Variants in CIROZ observed in about 807,000 individuals in gnomAD.
CIROZ encodes ciliated left-right organizer protein containing ZP-N domains.
the CIROZ span, among the ~76,000 whole-genome samples, chr1:10,971,960 A>G: frequency 6.6e-6 from 1 of 152,170 alleles, no homozygotes. Flanking sequence ...CTCCCCCATG[A>G]CACATAAACT....
At chr1:10,947,864 G>A in the CIROZ span, 2 of 1,608,914 alleles carry the variant, frequency 1.2e-6, no homozygotes, top group South Asian at 2.2e-5. Context: ...GGGTTTGCGT[G>A]GATGGAGGGC....
chr1:10,981,149 C>G, the CIROZ span, among the ~76,000 whole-genome samples: 9 of 152,120 alleles, frequency 5.9e-5, no homozygotes, highest in Non-Finnish European at 1.2e-4. Flanking sequence ...ATTCTGTTGC[C>G]AAGGAAAATG....
the CIROZ span, chr1:10,966,466 AG>A: frequency 1.3e-6 from 2 of 1,534,990 alleles, no homozygotes; most frequent in South Asian, 2.4e-5. Context: ...CCAGGTGGTC[AG>A]GGGACCTCCA....
chr1:10,964,179 T>A, the CIROZ span: 1 of 1,614,162 alleles, frequency 6.2e-7, no homozygotes, highest in Non-Finnish European at 8.5e-7. Context: ...GCCTTGACCT[T>A]AGCATCGGAC....
chr1:10,962,925 G>A, the CIROZ span, among the ~76,000 whole-genome samples: 2 of 152,222 alleles, frequency 1.3e-5, no homozygotes, highest in South Asian at 4.1e-4. Context: ...TTTGAGACCA[G>A]CCTGGGCAAC....
chr1:10,954,106 C>T, the CIROZ span: 3 of 1,613,466 alleles, frequency 1.9e-6, no homozygotes, highest in South Asian at 3.3e-5. Context: ...CTATAGAAAG[C>T]TTGTGTTCCC....
the CIROZ span, among the ~76,000 whole-genome samples, chr1:10,950,764 G>C: frequency 6.6e-6 from 1 of 152,164 alleles, no homozygotes; most frequent in African/African-American, 2.4e-5. Flanking sequence ...CTGGCCCAAG[G>C]GTCAAATACA....
chr1:10,977,637 G>T, the CIROZ span, among the ~76,000 whole-genome samples: 16 of 152,258 alleles, frequency 1.1e-4, no homozygotes, highest in African/African-American at 3.9e-4. Flanking sequence ...CACCAAACTG[G>T]CTTCTTCCAC....
the CIROZ span, among the ~76,000 whole-genome samples, chr1:10,947,052 G>A: frequency 6.6e-6 from 1 of 152,182 alleles, no homozygotes. Context: ...CCGGCTCCAC[G>A]CCAAATGCTC....
the CIROZ span, among the ~76,000 whole-genome samples, chr1:10,962,478 T>A: frequency 6.6e-6 from 1 of 152,166 alleles, no homozygotes; most frequent in South Asian, 2.1e-4. Context: ...GAACTTTTTT[T>A]AACTGGAGGA....
the CIROZ span, among the ~76,000 whole-genome samples, chr1:10,962,054 C>G: frequency 9.2e-5 from 14 of 152,190 alleles, no homozygotes; most frequent in Non-Finnish European, 1.9e-4. Context: ...CTTTCTCTTC[C>G]TCCTTCCTTC....
At chr1:10,966,697 C>A in the CIROZ span, among the ~76,000 whole-genome samples, 1 of 152,192 alleles carries the variant, frequency 6.6e-6, no homozygotes, top group Non-Finnish European at 1.5e-5. Flanking sequence ...CAGAATCCAA[C>A]CCCATCTCCC....
At chr1:10,958,574 CT>C in the CIROZ span, 4 of 1,027,650 alleles carry the variant, frequency 3.9e-6, no homozygotes, top group Non-Finnish European at 6.0e-6. Context: ...AGACCTGGTC[CT>C]TGAAGAGTCT....
the CIROZ span, chr1:10,981,945 T>C: frequency 6.6e-7 from 1 of 1,526,520 alleles, no homozygotes; most frequent in Non-Finnish European, 8.8e-7. Context: ...ATTTGGCTTC[T>C]TCAAGGAGTG....
the CIROZ span, among the ~76,000 whole-genome samples, chr1:10,961,303 C>A: frequency 2.0e-5 from 3 of 152,220 alleles, no homozygotes; most frequent in East Asian, 5.8e-4. Context: ...GCCGGCCCCG[C>A]AATTCTTAGG....
the CIROZ span, among the ~76,000 whole-genome samples, chr1:10,965,470 T>C: frequency 6.6e-6 from 1 of 152,148 alleles, no homozygotes; most frequent in Non-Finnish European, 1.5e-5. Flanking sequence ...ATTCCTATCA[T>C]CTCAACACAT....
the CIROZ span, among the ~76,000 whole-genome samples, chr1:10,980,710 G>A: frequency 6.6e-6 from 1 of 152,180 alleles, no homozygotes; most frequent in South Asian, 2.1e-4. Context: ...CCCTCCGTCT[G>A]ATGCCTGCTC....
At chr1:10,950,597 C>T in the CIROZ span, among the ~76,000 whole-genome samples, 2 of 152,302 alleles carry the variant, frequency 1.3e-5, no homozygotes, top group African/African-American at 4.8e-5. Flanking sequence ...AGAGGAGGTA[C>T]GGTGCAGGGT....
the CIROZ span, chr1:10,957,823 G>T: frequency 6.6e-7 from 1 of 1,516,616 alleles, no homozygotes; most frequent in Non-Finnish European, 9.0e-7. Context: ...TACGGAGAGG[G>T]GACACTTGAA....
Sources: allele counts gnomAD v4.1 joint callset (sites outside exome capture counted in the v4.1 genomes callset), GRCh38; gene constraint gnomAD v4.1.1; transcripts MANE v1.5; gene names NCBI Gene and HGNC (gene_info 2026-07-23, HGNC 2026-07-21).